Variants in PCDH15 observed in about 807,000 individuals in gnomAD.
PCDH15 encodes the protein protocadherin-15.
Under a neutral mutation model 178.5 loss-of-function variants are expected in PCDH15, and 129 were observed. That is an observed-to-expected ratio of 0.72 (90% CI 0.63 to 0.84). PCDH15 has a LOEUF of 0.84. Among genes scored for constraint, PCDH15 ranks in the 40% least tolerant of loss-of-function variants. PCDH15 has a pLI of 0.00. For missense variants in PCDH15, 2,230 were observed against 2,099.9 expected (o/e 1.06, Z -1.21); for synonymous variants, 800 against 732.0 (o/e 1.09, Z -1.50).
intron 3 of PCDH15, among the ~76,000 whole-genome samples, chr10:54,468,697 T>G (rs2136632478): frequency 6.6e-6 from 1 of 152,288 alleles, no homozygotes; most frequent in East Asian, 1.9e-4. Flanking sequence ...CAATGTTTCT[T>G]TTTTGATGTT....
intron 32 of PCDH15, chr10:53,821,834 C>T (rs1449111265): frequency 6.2e-7 from 1 of 1,610,616 alleles, no homozygotes; most frequent in South Asian, 1.1e-5. Flanking sequence ...AGAGGTTTGC[C>T]CGACTAAAAT....
intron 25 of PCDH15, among the ~76,000 whole-genome samples, chr10:53,920,793 A>C (rs1334742418): frequency 1.3e-5 from 2 of 152,162 alleles, no homozygotes; most frequent in African/African-American, 4.8e-5. Context: ...CTCCTGAAAT[A>C]AAATAAGAAT....
At chr10:55,244,572 T>TATAC (rs1197487881) in intron 1 of PCDH15, among the ~76,000 whole-genome samples, 17 of 131,270 alleles carry the variant, frequency 1.3e-4, no homozygotes, top group South Asian at 1.2e-3. Context: ...ACTGAACTTA[T>TATAC]ACACACACAC....
intron 13 of PCDH15, among the ~76,000 whole-genome samples, chr10:54,167,965 T>C (rs967757114): frequency 1.3e-5 from 2 of 150,448 alleles, no homozygotes; most frequent in African/African-American, 2.5e-5. Flanking sequence ...CCCTTCCCTC[T>C]GTTTCCCTAC....
rs771576312 is a variant in PCDH15, at chr10:53,827,567, G to A, written c.4212-19C>T. On this transcript the variant is annotated intron_variant, in intron 31 of 37. Transcript: ENST00000644397. ...TTGACGTCTTGGATAAAGTAAGGAT[G>A]GCTTGTAAAACTCATTTTAGAAATC... 6.2e-7 allele frequency: 1 copy of A among 1,613,936 alleles called. No homozygotes were observed. Among genetic ancestry groups the A allele is most frequent in the Non-Finnish European group, 8.5e-7 (1 of 1,179,902 alleles).
At position 53,888,339 on chromosome 10, in the gene PCDH15, T is replaced by TATATATGTATGTAC. The variant is rs1564691439; in HGVS notation, c.3501+14903_3501+14904insGTACATACATATAT. On this transcript the variant is annotated intron_variant, in intron 26 of 37. Transcript: ENST00000644397. The stretch of plus-strand genomic sequence containing the variant: ...ATATGTACGTATATATATGTACGTA[T>TATATATGTATGTAC]ATATATATACGTATATATACATATA... 1.0e-3 allele frequency among the ~76,000 whole-genome samples: 114 copies of TATATATGTATGTAC among 109,474 alleles called. 1 individual carries two copies. The highest frequency in any genetic ancestry group is 4.6e-3 in the East Asian group (16 of 3,442). 71.8% of individuals were successfully genotyped at this position (109,474 alleles called of 152,430 possible). A position where few individuals can be genotyped will look rare whatever the true frequency, so the allele number is the denominator to read the frequency against.
chr10:55,046,788 G>T (rs549107821), intron 2 of PCDH15, among the ~76,000 whole-genome samples: 1 of 151,830 alleles, frequency 6.6e-6, no homozygotes, highest in Non-Finnish European at 1.5e-5. Flanking sequence ...ATAAATTATG[G>T]CATCTCTTTC....
intron 26 of PCDH15, among the ~76,000 whole-genome samples, chr10:53,877,460 T>C (rs1485509190): frequency 7.9e-6 from 1 of 126,172 alleles, no homozygotes; most frequent in East Asian, 2.6e-4. Flanking sequence ...TTACCGAAAA[T>C]ATCCACTCTT....
intron 1 of PCDH15, among the ~76,000 whole-genome samples, chr10:55,272,049 G>A (rs890722788): frequency 3.3e-5 from 5 of 152,000 alleles, no homozygotes; most frequent in African/African-American, 9.7e-5. Flanking sequence ...AATAAGCCAC[G>A]AGTTTGAGGA....
At chr10:55,531,542 T>C (rs1186060060) in intron 2 of PCDH15, among the ~76,000 whole-genome samples, 1 of 152,028 alleles carries the variant, frequency 6.6e-6, no homozygotes, top group East Asian at 1.9e-4. Flanking sequence ...AAGCCACGCA[T>C]ATTTTTCTAT....
At chr10:55,454,450 T>A (rs1839504048) in intron 2 of PCDH15, among the ~76,000 whole-genome samples, 1 of 151,990 alleles carries the variant, frequency 6.6e-6, no homozygotes, top group Non-Finnish European at 1.5e-5. Flanking sequence ...GTAATTGCCT[T>A]TTTGAGTTGT....
At chr10:54,504,774 C>G (rs1202909819) in intron 3 of PCDH15, among the ~76,000 whole-genome samples, 2 of 151,964 alleles carry the variant, frequency 1.3e-5, no homozygotes, top group Non-Finnish European at 2.9e-5. Context: ...TTAATAGGTA[C>G]AGAGGAGAAA....
chr10:55,349,089 G>C (rs1844839963), intron 2 of PCDH15, among the ~76,000 whole-genome samples: 1 of 152,056 alleles, frequency 6.6e-6, no homozygotes, highest in South Asian at 2.1e-4. Flanking sequence ...GAACTATTGG[G>C]TCTATTGAGA....
chr10:53,872,395 A>G (rs1389271531), intron 26 of PCDH15, among the ~76,000 whole-genome samples: 1 of 152,222 alleles, frequency 6.6e-6, no homozygotes, highest in Non-Finnish European at 1.5e-5. Context: ...AACTTTAATC[A>G]TCATACTTAG....
chr10:54,688,055 T>TA lies in PCDH15; in HGVS notation c.-28-23766dup, dbSNP rs568902495. Among the ~76,000 whole-genome samples the TA allele has an allele frequency of 1.2e-3, 188 of 151,764 alleles. 1 individual carries two copies. The highest frequency in any genetic ancestry group is 3.5e-3 in the African/African-American group (146 of 41,404). On this transcript the variant is annotated intron_variant, in intron 1 of 37. Coordinates refer to ENST00000644397, the MANE Select transcript of PCDH15 (RefSeq NM_001384140.1). ...CATTCTAACCACAATAAAATAAAAT[T>TA]AAAAAAATTTAAAAAAGTCTTCACT...
At position 55,186,296 on chromosome 10, in the gene PCDH15, T is replaced by A. The variant is rs554916697; in HGVS notation, c.-155-19645A>T. ...TTTTTATTTTTAGATGAACAATATT[T>A]AAAAAAAAACTTTTTGCTTTATGTA... On this transcript the variant is annotated intron_variant, in intron 1 of 5. Coordinates refer to the PCDH15 transcript ENST00000458638. Among the ~76,000 whole-genome samples, 69 of 150,878 alleles carry A rather than the reference T, an allele frequency of 4.6e-4. 1 individual carries two copies. The highest frequency in any genetic ancestry group is 1.6e-3 in the African/African-American group (67 of 41,346).
Position 54,183,483 on chromosome 10 carries a change from AT to A in PCDH15, c.1550del (p.Tyr517LeufsTer6). 1.2e-6 allele frequency: 2 copies of A among 1,613,698 alleles called. No individual in the cohort carries two copies. Among genetic ancestry groups the A allele is most frequent in the Non-Finnish European group, 1.7e-6 (2 of 1,179,656 alleles). On this transcript the variant is annotated frameshift_variant, in exon 13 of 38. Coordinates refer to ENST00000644397, the MANE Select transcript of PCDH15 (RefSeq NM_001384140.1). LOFTEE classifies it high-confidence loss of function. Reference protein sequence around the residue: ...PTFPEISYDVYVYTDMRPGDS... With the variant: ...PTFPEISYDVXVYTDMRPGDS... ...CCCCAGGTCTCATGTCTGTATAAAC[AT>A]ACACATCATAGGATATTTCAGGGAA...
intron 2 of PCDH15, among the ~76,000 whole-genome samples, chr10:55,395,690 A>C (rs2132018963): frequency 6.6e-6 from 1 of 152,164 alleles, no homozygotes; most frequent in Middle Eastern, 3.4e-3. Context: ...TTTAGTTTAA[A>C]ATTAGCCTAT....
intron 1 of PCDH15, among the ~76,000 whole-genome samples, chr10:55,294,468 T>C (rs776475487): frequency 6.6e-5 from 10 of 152,224 alleles, no homozygotes; most frequent in African/African-American, 9.6e-5. Flanking sequence ...CCCAGGGAGA[T>C]GTTCTGAAGT....
Sources: allele counts gnomAD v4.1 joint callset (sites outside exome capture counted in the v4.1 genomes callset), GRCh38; gene constraint gnomAD v4.1.1; transcripts MANE v1.5; gene names NCBI Gene and HGNC (gene_info 2026-07-23, HGNC 2026-07-21).